Variants in RALYL observed in about 807,000 individuals in gnomAD.
RALYL encodes RNA-binding Raly-like protein.
In RALYL, 29 loss-of-function variants were observed where a neutral mutation model predicts 35.1. The ratio of observed to expected loss-of-function variants is 0.83; its 90% CI spans 0.61 to 1.13. The LOEUF (loss-of-function observed/expected upper bound fraction) is 1.13, where lower values mean the gene tolerates loss of function less well. RALYL is among the 50% of genes most tolerant of loss of function. The probability of loss-of-function intolerance (pLI) is 0.00; values close to 1 mark genes in which losing one functional copy is unlikely to be tolerated. For synonymous variants in RALYL, 120 were observed against 127.6 expected (o/e 0.94, Z 0.40); for missense variants, 359 against 360.4 (o/e 1.00, Z 0.03).
At chr8:84,866,665 A>C (rs1482707262) in intron 6 of RALYL, among the ~76,000 whole-genome samples, 1 of 152,106 alleles carries the variant, frequency 6.6e-6, no homozygotes, top group African/African-American at 2.4e-5. Context: ...GCACATGTAG[A>C]GCTCTTAGAA....
At chr8:84,492,319 A>G (rs2055417342) in intron 1 of RALYL, among the ~76,000 whole-genome samples, 1 of 152,132 alleles carries the variant, frequency 6.6e-6, no homozygotes, top group African/African-American at 2.4e-5. Context: ...ATTTATGCAT[A>G]TAATTCAATT....
At chr8:84,541,551 G>A (rs1169776329) in intron 2 of RALYL, among the ~76,000 whole-genome samples, 1 of 151,902 alleles carries the variant, frequency 6.6e-6, no homozygotes, top group East Asian at 1.9e-4. Flanking sequence ...TTCTATTGTT[G>A]TTCTGGGTAT....
chr8:84,621,564 G>C (rs143580851), intron 2 of RALYL, among the ~76,000 whole-genome samples: 1 of 151,138 alleles, frequency 6.6e-6, no homozygotes, highest in African/African-American at 2.5e-5. Context: ...CTTCGGCGTC[G>C]CTCACGCTGG....
At chr8:84,696,872 A>G (rs1386592121) in intron 2 of RALYL, among the ~76,000 whole-genome samples, 1 of 152,040 alleles carries the variant, frequency 6.6e-6, no homozygotes, top group African/African-American at 2.4e-5. Flanking sequence ...AGGTCAAAGA[A>G]TATCCAGGTG....
At chr8:84,498,236 C>T (rs780086037) in intron 1 of RALYL, among the ~76,000 whole-genome samples, 9 of 151,948 alleles carry the variant, frequency 5.9e-5, no homozygotes, top group South Asian at 2.1e-4. Context: ...AAGAGTTTTG[C>T]GGTCCAAATG....
chr8:84,446,391 A>G (rs1020543506), intron 1 of RALYL, among the ~76,000 whole-genome samples: 1 of 151,786 alleles, frequency 6.6e-6, no homozygotes, highest in East Asian at 1.9e-4. Flanking sequence ...TGCAAAAAAA[A>G]GGAAAAATAC....
chr8:84,353,733 G>A (rs1335817134), intron 1 of RALYL, among the ~76,000 whole-genome samples: 2 of 150,288 alleles, frequency 1.3e-5, no homozygotes, highest in Non-Finnish European at 3.0e-5. Flanking sequence ...GTGTTTTGGT[G>A]AGCATTTGTT....
intron 1 of RALYL, among the ~76,000 whole-genome samples, chr8:84,518,149 G>A (rs1473178073): frequency 1.3e-5 from 2 of 152,142 alleles, no homozygotes; most frequent in Non-Finnish European, 2.9e-5. Context: ...GAACTAAGAC[G>A]TAGTGGTATA....
intron 8 of RALYL, among the ~76,000 whole-genome samples, chr8:84,904,764 C>G (rs1403535003): frequency 6.6e-6 from 1 of 152,062 alleles, no homozygotes; most frequent in Non-Finnish European, 1.5e-5. Flanking sequence ...GCACTGTAAC[C>G]ATGGAAATAT....
chr8:84,689,247 G>A (rs1458811831), intron 2 of RALYL, among the ~76,000 whole-genome samples: 1 of 151,980 alleles, frequency 6.6e-6, no homozygotes, highest in Non-Finnish European at 1.5e-5. Flanking sequence ...CCGCACAACA[G>A]TCCCCAGAGT....
intron 2 of RALYL, among the ~76,000 whole-genome samples, chr8:84,724,010 C>T (rs1844481733): frequency 6.6e-6 from 1 of 151,692 alleles, no homozygotes; most frequent in East Asian, 1.9e-4. Flanking sequence ...AGTAGGATCT[C>T]AGTGAGTATT....
chr8:84,487,167 G>T (rs544011996), intron 1 of RALYL, among the ~76,000 whole-genome samples: 1 of 152,142 alleles, frequency 6.6e-6, no homozygotes, highest in South Asian at 2.1e-4. Flanking sequence ...AATAAAACAT[G>T]ACAGTTTGAA....
intron 1 of RALYL, among the ~76,000 whole-genome samples, chr8:84,434,316 G>A (rs559899367): frequency 2.0e-5 from 3 of 152,144 alleles, no homozygotes; most frequent in African/African-American, 4.8e-5. Flanking sequence ...TTGAGATATC[G>A]GGGGTTAGGA....
At chr8:84,301,334 C>G (rs1840744064) in intron 1 of RALYL, among the ~76,000 whole-genome samples, 1 of 151,884 alleles carries the variant, frequency 6.6e-6, no homozygotes, top group Non-Finnish European at 1.5e-5. Flanking sequence ...TACATGTTGA[C>G]CTTGGAGAAT....
chr8:84,508,151 C>T (rs1343372116), intron 1 of RALYL, among the ~76,000 whole-genome samples: 1 of 151,900 alleles, frequency 6.6e-6, no homozygotes, highest in Non-Finnish European at 1.5e-5. Flanking sequence ...AGATTATTAT[C>T]CCTCAGATTT....
chr8:84,854,427 T>C (rs796908922), intron 5 of RALYL, among the ~76,000 whole-genome samples: 1 of 152,292 alleles, frequency 6.6e-6, no homozygotes, highest in African/African-American at 2.4e-5. Flanking sequence ...TACAGCAGTG[T>C]CCATATAACT....
At chr8:84,871,144 C>T (rs1291233947) in intron 6 of RALYL, among the ~76,000 whole-genome samples, 3 of 152,148 alleles carry the variant, frequency 2.0e-5, no homozygotes, top group Non-Finnish European at 4.4e-5. Flanking sequence ...TTATTAGACC[C>T]AAATTCCATA....
intron 2 of RALYL, among the ~76,000 whole-genome samples, chr8:84,698,840 T>A (rs1264389852): frequency 6.6e-6 from 1 of 152,134 alleles, no homozygotes; most frequent in African/African-American, 2.4e-5. Flanking sequence ...CACGTGCCAC[T>A]TGCTGGTCCC....
At chr8:84,714,462 A>T (rs1390126029) in intron 2 of RALYL, among the ~76,000 whole-genome samples, 1 of 151,522 alleles carries the variant, frequency 6.6e-6, no homozygotes, top group Non-Finnish European at 1.5e-5. Flanking sequence ...TGACTTAGCC[A>T]CTCCACAATA....
Sources: gnomAD v4.1 joint callset for allele counts (sites outside exome capture counted in the v4.1 genomes callset) on GRCh38, gnomAD v4.1.1 for gene constraint, MANE v1.5 for transcripts, NCBI Gene and HGNC (gene_info 2026-07-23, HGNC 2026-07-21) for gene names.